CTC1: variants seen among roughly 807,000 people sequenced by gnomAD.
CTC1 encodes the protein CST complex subunit CTC1.
In CTC1, 91 loss-of-function variants were observed where a neutral mutation model predicts 136.3. The observed-to-expected ratio is 0.67, with a 90% CI of 0.56 to 0.79. The LOEUF is 0.79. Ranked by LOEUF, CTC1 falls within the 30% of genes least tolerant of loss-of-function variation. CTC1 has a pLI of 0.00. For synonymous variants in CTC1, 606 were observed against 613.8 expected, an observed-to-expected ratio of 0.99 and a Z score of 0.19; for missense variants, 1,432 against 1,498.1, an observed-to-expected ratio of 0.96 and a Z score of 0.73.
chr17:8,233,891 C>A (rs1170179025), intron 10 of CTC1, among the ~76,000 whole-genome samples: 1 of 151,562 alleles, frequency 6.6e-6, no homozygotes, highest in African/African-American at 2.4e-5. Context: ...GAGCCATGAT[C>A]GCGCCAATGC....
rs753797185 is a variant in CTC1, at chr17:8,248,021, C to T, written c.16G>A (p.Ala6Thr). Residue 6 changes from alanine (A) to threonine (T), a missense_variant, in exon 1 of 23, where the codon GCC (alanine) becomes ACC (threonine). Coordinates refer to ENST00000651323, the MANE Select transcript of CTC1 (RefSeq NM_025099.6). ...GCACTCACGGAGGAAGGGACCTGGG[C>T]CCGGCCAGCCGCCATGATGCGCCGG... MAAGR[A>T]QVPSSEQAWL... The T allele has an allele frequency of 6.2e-6, 10 of 1,608,970 alleles. No homozygotes were observed. In the South Asian group the frequency reaches 6.6e-5, roughly 11 times the overall value.
intron 2 of CTC1, among the ~76,000 whole-genome samples, chr17:8,240,864 G>A (rs1380258324): frequency 1.3e-5 from 2 of 151,970 alleles, no homozygotes; most frequent in South Asian, 2.1e-4. Context: ...CCACAAGAGC[G>A]AAATTCCATC....
chr17:8,233,123 C>A, intron 10 of CTC1, 91 bp from the exon 11 acceptor site: 16 of 1,395,820 alleles, frequency 1.1e-5, no homozygotes, highest in Middle Eastern at 1.9e-4. Flanking sequence ...CATGGTAAAG[C>A]TACAAAATGA....
In CTC1 at chr17:8,234,825, A is replaced by G. The variant is rs751943803; in HGVS notation, c.1541T>C (p.Leu514Pro). The part of the protein sequence containing the change: ...LQLLAPTLDL[L>P]APPGSPVRNA... ...CCGAACAGGGCTGCCTGGCGGAGCT[A>G]GAAGATCCAGGGTAGGAGCCAGGAG... The change falls in exon 9 of 23, where the codon CTA becomes CCA. Residue 514 changes from leucine (L) to proline (P), a missense_variant. By Grantham distance (98) the Leu-to-Pro change is moderately conservative. Coordinates refer to ENST00000651323, the MANE Select transcript of CTC1 (RefSeq NM_025099.6). 5.6e-6 allele frequency: 9 copies of G among 1,613,386 alleles called. No homozygotes were observed. Among genetic ancestry groups the G allele is most frequent in the Non-Finnish European group, 6.8e-6 (8 of 1,179,674 alleles).
chr17:8,244,895 TA>T (rs1188095806), intron 1 of CTC1, among the ~76,000 whole-genome samples: 4 of 152,096 alleles, frequency 2.6e-5, no homozygotes, highest in African/African-American at 9.7e-5. Flanking sequence ...GGAATCAACC[TA>T]AATGCACATC....
intron 1 of CTC1, among the ~76,000 whole-genome samples, chr17:8,244,266 C>CAGCTAA (rs1988502243): frequency 1.3e-5 from 2 of 152,168 alleles, no homozygotes; most frequent in South Asian, 4.1e-4. Flanking sequence ...GTTGTCTTTT[C>CAGCTAA]AGCTAAGGTG....
In CTC1 at chr17:8,229,291, C is replaced by G; in HGVS notation, c.3156+11G>C. 1 of 1,614,160 alleles carries G rather than the reference C, an allele frequency of 6.2e-7. No homozygotes were observed. The highest frequency in any genetic ancestry group is 2.2e-5 in the East Asian group (1 of 44,882). The stretch of plus-strand genomic sequence containing the variant: ...CCATACTCAGTTCAGCCTGTTCCTT[C>G]CCTCCCTTACCTGCCGGCAGATGCT... On this transcript the variant is annotated intron_variant, in intron 19 of 22. Transcript: ENST00000651323.
Position 8,231,477 on chromosome 17 carries a change from G to C in CTC1, c.2476-8C>G. The C allele has an allele frequency of 1.3e-6, 2 of 1,590,200 alleles. No homozygotes were observed. The highest frequency in any genetic ancestry group is 1.7e-6 in the Non-Finnish European group (2 of 1,165,440). Reference sequence around the variant, plus strand: ...TTCAAACAACATTGGTGTCTGCACGGAAATGGGAAGACGACTGCCTGTGAG... The same window carrying C: ...TTCAAACAACATTGGTGTCTGCACGCAAATGGGAAGACGACTGCCTGTGAG... On this transcript the variant is annotated splice_polypyrimidine_tract_variant and splice_region_variant and intron_variant, in intron 14 of 22. Transcript: ENST00000651323.
At chr17:8,237,583 T>G in intron 4 of CTC1, 64 bp from the exon 5 acceptor site, 1 of 1,422,504 alleles carries the variant, frequency 7.0e-7, no homozygotes, top group Middle Eastern at 1.9e-4. Context: ...GAGAATCACT[T>G]GAACCTGAAA....
Position 8,248,025 on chromosome 17 carries a change from G to C in CTC1, c.12C>G (p.Gly4=), listed in dbSNP as rs758287945. ...TCACGGAGGAAGGGACCTGGGCCCG[G>C]CCAGCCGCCATGATGCGCCGGAGCT... MAA[G]RAQVPSSEQA... The change falls in exon 1 of 23, where the codon GGC becomes GGG. Residue 4 remains glycine (G), a synonymous_variant. Transcript: ENST00000651323. 3.6e-6 allele frequency: 5 copies of C among 1,396,760 alleles called. No homozygotes were observed. The East Asian group carries it at 2.0e-4, about 57-fold the overall frequency. 86.5% of individuals were successfully genotyped at this position (1,396,760 alleles called of 1,614,324 possible). A position where few individuals can be genotyped will look rare whatever the true frequency, so the allele number is the denominator to read the frequency against.
In CTC1 at chr17:8,235,878, G is replaced by A; in HGVS notation, c.1159C>T (p.Gln387Ter). Residue 387 changes from glutamine (Q) to a stop codon, truncating the protein, a stop_gained, in exon 7 of 23, where the codon CAG (glutamine) becomes TAG (stop). Transcript: ENST00000651323. LOFTEE classifies it high-confidence loss of function. ...ATCACCCGCCTAAGGCCACGGAACT[G>A]CTGGTAGGCAAGGCAGAGCCCCAGC... ...GQLGLCLAYQ[Q>*]FRGLRRVMRP... The A allele has an allele frequency of 6.2e-7, 1 of 1,613,960 alleles. No individual in the cohort carries two copies. Among genetic ancestry groups the A allele is most frequent in the Non-Finnish European group, 8.5e-7 (1 of 1,179,862 alleles).
In CTC1 at chr17:8,238,328, G is replaced by A. The variant is rs1049788285; in HGVS notation, c.435+64C>T. ...CGTTTGTTTCCTCAGAGACTTAATTGCCTTGATCCTTGGACACCATTCTTG... is the reference window on the plus strand; with the variant it reads ...CGTTTGTTTCCTCAGAGACTTAATTACCTTGATCCTTGGACACCATTCTTG... On this transcript the variant is annotated intron_variant, in intron 3 of 22. Coordinates refer to ENST00000651323, the MANE Select transcript of CTC1 (RefSeq NM_025099.6). 7.0e-6 allele frequency: 11 copies of A among 1,566,308 alleles called. No homozygotes were observed. In the African/African-American group the frequency reaches 1.4e-4, roughly 19 times the overall value.
intron 5 of CTC1, 85 bp from the exon 6 acceptor site, chr17:8,236,427 C>A: frequency 7.1e-7 from 1 of 1,407,432 alleles, no homozygotes. Flanking sequence ...ACGATTTGAA[C>A]TCAGAGACCT....
intron 5 of CTC1, 129 bp downstream of exon 5, chr17:8,237,246 C>G: frequency 2.0e-6 from 2 of 1,004,532 alleles, no homozygotes; most frequent in Non-Finnish European, 1.5e-6. Flanking sequence ...CCCAACAGCG[C>G]TATTCCAGAA....
Position 8,226,631 on chromosome 17 carries a change from C to T in CTC1, c.*1549G>A, listed in dbSNP as rs1426639457. ...ATGACGTAGTCGGCAGGATTCGAAC[C>T]TGCGCGGGGAGACCCCAATGGATTT... On this transcript the variant is annotated 3_prime_UTR_variant, in exon 23 of 23. Coordinates refer to ENST00000651323, the MANE Select transcript of CTC1 (RefSeq NM_025099.6). 2 of 151,674 alleles carry T rather than the reference C, an allele frequency of 1.3e-5. No homozygotes were observed. The highest frequency in any genetic ancestry group is 1.5e-5 in the Non-Finnish European group (1 of 68,036). The allele number at this position is 151,674 out of a possible 1,614,324, so 9.4% of individuals were successfully genotyped here.
At position 8,232,437 on chromosome 17, in the gene CTC1, C is replaced by T. The variant is rs1341299177; in HGVS notation, c.1984G>A (p.Glu662Lys). ...GGGAAGCTGCTTCTCACGTCCCTCT[C>T]TACGATCAACTGAAACCTCTCTGCC... is the stretch of plus-strand genomic sequence containing the variant. ...VRAERFQLIV[E>K]RDVRSSFPSW... The change falls in exon 12 of 23, where the codon GAG (glutamate) becomes AAG (lysine). Residue 662 changes from glutamate to lysine, a missense_variant. Coordinates refer to ENST00000651323, the MANE Select transcript of CTC1 (RefSeq NM_025099.6). 3 of 1,614,014 alleles carry T rather than the reference C, an allele frequency of 1.9e-6. No individual in the cohort carries two copies. Among genetic ancestry groups the T allele is most frequent in the African/African-American group, 1.3e-5 (1 of 74,912 alleles).
rs143793869 is a variant in CTC1 at position 8,242,834 on chromosome 17, T to TAAC, written c.197+150_197+151insGTT. On this transcript the variant is annotated intron_variant, in intron 2 of 22. Transcript: ENST00000651323. Reference sequence around the variant, plus strand: ...TAGGAAAAGGAAAGCTTGATAGTGTTAGAAAAGCTCTGCAGAAGGGGTATG... The same window carrying TAAC: ...TAGGAAAAGGAAAGCTTGATAGTGTTAACAGAAAAGCTCTGCAGAAGGGGTATG... The TAAC allele has an allele frequency of 7.2e-3, 3,817 of 532,046 alleles. 131 individuals are homozygous for TAAC. The highest frequency in any genetic ancestry group is 0.067 in the African/African-American group (3,409 of 50,688). 33.0% of individuals were successfully genotyped at this position (532,046 alleles called of 1,614,324 possible).
chr17:8,240,452 C>A (rs1402476807), intron 2 of CTC1, among the ~76,000 whole-genome samples: 7 of 148,060 alleles, frequency 4.7e-5, no homozygotes, highest in African/African-American at 1.6e-4. Flanking sequence ...TCCATTGCGC[C>A]CAGCCAAAAA....
In CTC1 at chr17:8,228,022, C is replaced by CTG; in HGVS notation, c.*156_*157dup. The stretch of plus-strand genomic sequence containing the variant: ...GTTGCCACAATTTTGCCAAGGCAGG[C>CTG]TGGCACCAGAACACCAAAGAAGGGA... On this transcript the variant is annotated 3_prime_UTR_variant, in exon 23 of 23. Coordinates refer to ENST00000651323, the MANE Select transcript of CTC1 (RefSeq NM_025099.6). 1.2e-5 allele frequency: 9 copies of CTG among 732,282 alleles called. No individual in the cohort carries two copies. In the South Asian group the frequency reaches 1.8e-4, roughly 15 times the overall value. The allele number at this position is 732,282 out of a possible 1,614,324, so 45.4% of individuals were successfully genotyped here. A position where few individuals can be genotyped will look rare whatever the true frequency, so the allele number is the denominator to read the frequency against.
Sources: allele counts gnomAD v4.1 joint callset (sites outside exome capture counted in the v4.1 genomes callset), GRCh38; gene constraint gnomAD v4.1.1; transcripts MANE v1.5; gene names NCBI Gene and HGNC (gene_info 2026-07-23, HGNC 2026-07-21).